Variants in CYP24A1 observed in about 807,000 individuals in gnomAD.
The protein encoded by CYP24A1 is 1,25-dihydroxyvitamin D(3) 24-hydroxylase, mitochondrial.
CYP24A1 carries 68 observed loss-of-function variants against 62.4 expected under a neutral mutation model. That is an observed-to-expected ratio of 1.09 (90% CI 0.90 to 1.33). CYP24A1 has a LOEUF of 1.33. Among genes scored for constraint, CYP24A1 ranks in the 40% most tolerant of loss-of-function variants. CYP24A1 has a pLI of 0.00. For missense variants in CYP24A1, 787 were observed against 653.0 expected, an observed-to-expected ratio of 1.21 and a Z score of -2.24; for synonymous variants, 267 against 253.0, an observed-to-expected ratio of 1.06 and a Z score of -0.52.
chr20:54,166,596 T>C (rs3787557), intron 4 of CYP24A1, among the ~76,000 whole-genome samples: 16,075 of 152,208 alleles, frequency 0.11, 1,144 homozygotes, highest in East Asian at 0.27. Context: ...GTCCTAAGAA[T>C]AAAGCATTCT....
chr20:54,164,688 A>G, intron 5 of CYP24A1, 125 bp from the exon 6 acceptor site: 1 of 1,552,086 alleles, frequency 6.4e-7, no homozygotes, highest in Non-Finnish European at 8.7e-7. Context: ...AATTACAAGG[A>G]CACCCCCGGC....
At chr20:54,145,808 C>G in the CYP24A1 span, among the ~76,000 whole-genome samples, 1 of 152,192 alleles carries the variant, frequency 6.6e-6, no homozygotes, top group Non-Finnish European at 1.5e-5. Flanking sequence ...TAGAATCAAG[C>G]CACAGGCTCC....
Position 54,157,185 on chromosome 20 carries a change from C to G in CYP24A1, c.1539G>C (p.Gln513His). 1.3e-6 allele frequency: 2 copies of G among 1,576,902 alleles called. No individual in the cohort carries two copies. Among genetic ancestry groups the G allele is most frequent in the South Asian group, 2.2e-5 (2 of 90,162 alleles). Residue 513 changes from glutamine (Q) to histidine (H), a missense_variant, in exon 11 of 12, where the codon CAG becomes CAC. Transcript: ENST00000216862. The stretch of plus-strand genomic sequence containing the variant: ...GATGCTCACCTGAGGCGTATTATCG[C>G]TGGCAAAACGCGATGGGGAGTTCCC... ...PSRELPIAFC[Q>H]R
In CYP24A1 at chr20:54,162,673, T is replaced by C. The variant is rs6097816; in HGVS notation, c.990+44A>G. On this transcript the variant is annotated intron_variant, in intron 7 of 11. Transcript: ENST00000216862. ...TTTAAAATCTGTCATCTAAAAATGGTACAGACCGTTCATTTAGCAAACTCA... is the reference window on the plus strand; with the variant it reads ...TTTAAAATCTGTCATCTAAAAATGGCACAGACCGTTCATTTAGCAAACTCA... 6.2e-3 allele frequency: 7,814 copies of C among 1,266,458 alleles called. 360 individuals carry two copies. In the African/African-American group the frequency reaches 0.1, roughly 16 times the overall value. 78.5% of individuals were successfully genotyped at this position (1,266,458 alleles called of 1,614,324 possible). A position where few individuals can be genotyped will look rare whatever the true frequency, so the allele number is the denominator to read the frequency against.
intron 5 of CYP24A1, 51 bp downstream of exon 5, chr20:54,165,691 G>A (rs779860739): frequency 1.1e-6 from 1 of 927,800 alleles, no homozygotes; most frequent in Non-Finnish European, 1.8e-6. Flanking sequence ...TGTAAAAATC[G>A]ATCTGTAAAA....
Position 54,165,838 on chromosome 20 carries a change from C to T in CYP24A1, c.641-5G>A. ...CATACAACACGAGGCAGATACCTGTCATTTAAAATAATCATCACTTTACAC... is the reference window on the plus strand; with the variant it reads ...CATACAACACGAGGCAGATACCTGTTATTTAAAATAATCATCACTTTACAC... On this transcript the variant is annotated splice_region_variant and splice_polypyrimidine_tract_variant and intron_variant, in intron 4 of 11. Transcript: ENST00000216862. The T allele has an allele frequency of 7.9e-7, 1 of 1,267,112 alleles. No individual in the cohort carries two copies. Among genetic ancestry groups the T allele is most frequent in the South Asian group, 1.2e-5 (1 of 84,210 alleles). The allele number at this position is 1,267,112 out of a possible 1,614,324, so 78.5% of individuals were successfully genotyped here.
chr20:54,169,229 T>C (rs372648100), intron 4 of CYP24A1, among the ~76,000 whole-genome samples: 2 of 152,158 alleles, frequency 1.3e-5, no homozygotes, highest in East Asian at 3.9e-4. Flanking sequence ...ACTCCCTTTC[T>C]CTTTTCCTTT....
Position 54,162,714 on chromosome 20 carries a change from T to C in CYP24A1, c.990+3A>G, listed in dbSNP as rs762830804. 9 of 1,590,436 alleles carry C rather than the reference T, an allele frequency of 5.7e-6. No individual in the cohort carries two copies. Among genetic ancestry groups the C allele is most frequent in the Non-Finnish European group, 5.2e-6 (6 of 1,158,650 alleles). On this transcript the variant is annotated splice_donor_region_variant and intron_variant, in intron 7 of 11. Coordinates refer to ENST00000216862, the MANE Select transcript of CYP24A1 (RefSeq NM_000782.5). The stretch of plus-strand genomic sequence containing the variant: ...AGCAAACTCAAATCCAGCCCACCCT[T>C]ACCGTTTCCACCGCAGCCAGCTGGA...
chr20:54,171,847 T>A (rs960882889), intron 2 of CYP24A1, 177 bp from the exon 3 acceptor site: 1 of 1,424,614 alleles, frequency 7.0e-7, no homozygotes, highest in Admixed American at 2.3e-5. Context: ...GATCATCTTT[T>A]GACAATAGTT....
Position 54,169,623 on chromosome 20 carries a change from C to T in CYP24A1, c.609G>A (p.Leu203=), listed in dbSNP as rs1302126280. The part of the protein sequence containing the change: ...LCDERGHVED[L]YSELNKWSFE... ...ACGACCATTTGTTCAGTTCGCTGTA[C>T]AAGTCTTCAACGTGGCCTCTTTCAT... is the stretch of plus-strand genomic sequence containing the variant. The change falls in exon 4 of 12, where the codon TTG becomes TTA. Residue 203 remains leucine (L), a synonymous_variant. Coordinates refer to ENST00000216862, the MANE Select transcript of CYP24A1 (RefSeq NM_000782.5). The T allele has an allele frequency of 6.2e-7, 1 of 1,614,182 alleles. No homozygotes were observed. Among genetic ancestry groups the T allele is most frequent in the Middle Eastern group, 1.6e-4 (1 of 6,062 alleles).
chr20:54,172,331 C>T (rs950377117), intron 2 of CYP24A1, among the ~76,000 whole-genome samples: 33 of 152,250 alleles, frequency 2.2e-4, no homozygotes, highest in African/African-American at 7.5e-4. Context: ...AAGGTGCTAA[C>T]TTGTTAAATG....
At chr20:54,171,537 T>TC in intron 3 of CYP24A1, 40 bp downstream of exon 3, 1 of 1,613,766 alleles carries the variant, frequency 6.2e-7, no homozygotes, top group Non-Finnish European at 8.5e-7. Flanking sequence ...TATCCCTATG[T>TC]CCCCACGAGC....
chr20:54,171,555 A>C, intron 3 of CYP24A1, 22 bp downstream of exon 3: 1 of 1,613,900 alleles, frequency 6.2e-7, no homozygotes. Context: ...AGCCCCAGGA[A>C]AGCTGGCCCC....
chr20:54,168,152 C>A (rs1374767405), intron 4 of CYP24A1, among the ~76,000 whole-genome samples: 1 of 152,124 alleles, frequency 6.6e-6, no homozygotes, highest in African/African-American at 2.4e-5. Flanking sequence ...GTGAAGCGAC[C>A]CCTGGCCATG....
At chr20:54,162,523 C>T (rs932123599) in intron 7 of CYP24A1, 194 bp downstream of exon 7, 7 of 598,062 alleles carry the variant, frequency 1.2e-5, no homozygotes, top group South Asian at 5.6e-5. Context: ...GGTATGAGGC[C>T]GTGCGCTGAG....
chr20:54,158,535 TTG>T (rs1484990304), intron 8 of CYP24A1, among the ~76,000 whole-genome samples: 1 of 152,200 alleles, frequency 6.6e-6, no homozygotes, highest in Non-Finnish European at 1.5e-5. Flanking sequence ...TCCTAAAATG[TTG>T]TGAGTTTTGT....
intron 9 of CYP24A1, 112 bp downstream of exon 9, chr20:54,157,974 G>A: frequency 6.5e-7 from 1 of 1,534,008 alleles, no homozygotes; most frequent in Non-Finnish European, 8.8e-7. Flanking sequence ...TACCATCTCT[G>A]CATTCCCAAA....
rs2092670050 is a variant in CYP24A1, at chr20:54,165,831, T to C, written c.643A>G (p.Ile215Val). The C allele has an allele frequency of 3.8e-6, 5 of 1,320,020 alleles. No homozygotes were observed. The highest frequency in any genetic ancestry group is 4.4e-6 in the Non-Finnish European group (4 of 911,140). 81.8% of individuals were successfully genotyped at this position (1,320,020 alleles called of 1,614,324 possible). A position where few individuals can be genotyped will look rare whatever the true frequency, so the allele number is the denominator to read the frequency against. ...CTCTTCTCATACAACACGAGGCAGA[T>C]ACCTGTCATTTAAAATAATCATCAC... Reference protein sequence around the residue: ...SELNKWSFESICLVLYEKRFG... With the variant: ...SELNKWSFESVCLVLYEKRFG... Residue 215 changes from isoleucine to valine, a missense_variant and splice_region_variant, in exon 5 of 12, where the codon ATC becomes GTC. By Grantham distance (29) the Ile-to-Val change is conservative. Coordinates refer to ENST00000216862, the MANE Select transcript of CYP24A1 (RefSeq NM_000782.5).
Position 54,172,953 on chromosome 20 carries a change from C to T in CYP24A1, c.405G>A (p.Lys135=), listed in dbSNP as rs368019359. ...CTTCTTTGCGGTAGTCGCGATAGGC[C>T]TTCCACGGTTTGATCTCCAGCCGCT... The part of the protein sequence containing the change: ...YPQRLEIKPW[K]AYRDYRKEGY... The change falls in exon 2 of 12, where the codon AAG becomes AAA. Residue 135 remains lysine (K), a synonymous_variant. Coordinates refer to ENST00000216862, the MANE Select transcript of CYP24A1 (RefSeq NM_000782.5). 1.7e-5 allele frequency: 28 copies of T among 1,613,752 alleles called. No individual in the cohort carries two copies. Among genetic ancestry groups the T allele is most frequent in the African/African-American group, 5.3e-5 (4 of 75,066 alleles).
Sources: allele counts gnomAD v4.1 joint callset (sites outside exome capture counted in the v4.1 genomes callset), GRCh38; gene constraint gnomAD v4.1.1; transcripts MANE v1.5; gene names NCBI Gene and HGNC (gene_info 2026-07-23, HGNC 2026-07-21).